The following MTUS1 variants were observed in gnomAD, a reference collection of about 807,000 sequenced individuals.
MTUS1 encodes the protein microtubule associated scaffold protein 1, also known as microtubule-associated tumor suppressor 1.
Under a neutral mutation model 120.8 loss-of-function variants are expected in MTUS1, and 109 were observed. The ratio of observed to expected loss-of-function variants is 0.90; its 90% CI spans 0.77 to 1.06. MTUS1 has a LOEUF of 1.06. Among genes scored for constraint, MTUS1 ranks in the 50% least tolerant of loss-of-function variants. The probability of loss-of-function intolerance (pLI) is 0.00; values close to 1 mark genes in which losing one functional copy is unlikely to be tolerated. For synonymous variants in MTUS1, 737 were observed against 550.5 expected, an observed-to-expected ratio of 1.34 and a Z score of -4.74; for missense variants, 2,210 against 1,486.3, an observed-to-expected ratio of 1.49 and a Z score of -8.01.
At chr8:17,798,332 T>A (rs1204079394) in intron 1 of MTUS1, among the ~76,000 whole-genome samples, 1 of 151,760 alleles carries the variant, frequency 6.6e-6, no homozygotes, top group Non-Finnish European at 1.5e-5. Flanking sequence ...ATTTAGAATT[T>A]GGGGAATTTT....
At chr8:17,646,198 ATTTTTCTTAGC>A in intron 14 of MTUS1, 59 bp from the exon 15 acceptor site, 2 of 1,471,836 alleles carry the variant, frequency 1.4e-6, no homozygotes, top group Non-Finnish European at 1.8e-6. Flanking sequence ...AACTTGAAAA[ATTTTTCTTAGC>A]GTTTGAAACT....
Position 17,756,015 on chromosome 8 carries a change from A to C in MTUS1, c.-154-54T>G, listed in dbSNP as rs2048581519. 11 of 1,186,432 alleles carry C rather than the reference A, an allele frequency of 9.3e-6. No homozygotes were observed. In the South Asian group the frequency reaches 2.0e-4, roughly 22 times the overall value. The allele number at this position is 1,186,432 out of a possible 1,614,324, so 73.5% of individuals were successfully genotyped here. On this transcript the variant is annotated intron_variant, in intron 1 of 14. Coordinates refer to ENST00000693296, the MANE Select transcript of MTUS1 (RefSeq NM_001363059.2). ...TAACTATAAGAAAAATTAACAGGCC[A>C]CCCCTTGGTTTCAATCACTAAGTGA... is the stretch of plus-strand genomic sequence containing the variant.
chr8:17,755,099 C>A lies in MTUS1; in HGVS notation c.709G>T (p.Glu237Ter), dbSNP rs1270600296. ...GCTGTGTAAGTCATGTCTTGGGCTTCTGATGGTGTGACTTGAGGGTTTTCA... is the reference window on the plus strand; with the variant it reads ...GCTGTGTAAGTCATGTCTTGGGCTTATGATGGTGTGACTTGAGGGTTTTCA... ...SFENPQVTPS[E>*]AQDMTYTAFS... The change falls in exon 2 of 15, where the codon GAA becomes TAA. Residue 237 changes from glutamate to a stop codon, truncating the protein, a stop_gained. Coordinates refer to ENST00000693296, the MANE Select transcript of MTUS1 (RefSeq NM_001363059.2). LOFTEE classifies it high-confidence loss of function. 1 of 1,613,930 alleles carries A rather than the reference C, an allele frequency of 6.2e-7. No individual in the cohort carries two copies. Among genetic ancestry groups the A allele is most frequent in the Admixed American group, 1.7e-5 (1 of 60,020 alleles).
At position 17,684,356 on chromosome 8, in the gene MTUS1, G is replaced by A. The variant is rs758018626; in HGVS notation, c.2810C>T (p.Thr937Ile). ...ACGNTKFEAL[T>I]VVIQHLLSER... ...AGACAGCAGGTGCTGAATCACAACT[G>A]TCAATGCCTCAAACTTGGTATTACC... Residue 937 changes from threonine (T) to isoleucine (I), a missense_variant, in exon 7 of 15, where the codon ACA becomes ATA. Transcript: ENST00000693296. 3.1e-6 allele frequency: 5 copies of A among 1,614,118 alleles called. No individual in the cohort carries two copies. The East Asian group carries it at 1.1e-4, about 36-fold the overall frequency.
chr8:17,723,957 A>C, intron 3 of MTUS1, 124 bp from the exon 4 acceptor site: 1 of 743,036 alleles, frequency 1.3e-6, no homozygotes, highest in Non-Finnish European at 2.2e-6. Flanking sequence ...GAATGTTCAC[A>C]ATCATGTAAC....
chr8:17,693,877 C>A (rs1216035204), intron 6 of MTUS1, among the ~76,000 whole-genome samples: 1 of 152,128 alleles, frequency 6.6e-6, no homozygotes, highest in Admixed American at 6.5e-5. Flanking sequence ...ACTCATCTAA[C>A]GGGTACTTCT....
chr8:17,793,085 A>G (rs771665110), intron 1 of MTUS1, among the ~76,000 whole-genome samples: 55 of 146,494 alleles, frequency 3.8e-4, no homozygotes, highest in Non-Finnish European at 3.6e-4. Flanking sequence ...ATTTTTCTCT[A>G]AACAGAAAAC....
chr8:17,689,138 G>C (rs758370487), intron 6 of MTUS1, among the ~76,000 whole-genome samples: 1 of 152,090 alleles, frequency 6.6e-6, no homozygotes, highest in Non-Finnish European at 1.5e-5. Flanking sequence ...TTGAATCCGG[G>C]AGGTGGAAGT....
intron 1 of MTUS1, among the ~76,000 whole-genome samples, chr8:17,771,872 A>G (rs894227953): frequency 2.0e-5 from 3 of 152,226 alleles, no homozygotes; most frequent in Admixed American, 1.3e-4. Context: ...TGAGATCTAG[A>G]GAAAAGAAGT....
rs1234875470 is a variant in MTUS1, at chr8:17,653,228, T to C, written c.3342A>G (p.Lys1114=). 6.4e-7 allele frequency: 1 copy of C among 1,557,470 alleles called. No homozygotes were observed. Among genetic ancestry groups the C allele is most frequent in the South Asian group, 1.2e-5 (1 of 82,106 alleles). ...TTGCTCTTCTTTTTTGTTCTTCTGA[T>C]TTCAATTTTTCATTTAAAGCATCAT... The part of the protein sequence containing the change: ...SENDALNEKL[K]SEEQKRRARE... The change falls in exon 12 of 15, where the codon AAA becomes AAG. Residue 1114 remains lysine (K), a synonymous_variant. Transcript: ENST00000693296.
At chr8:17,654,928 G>T in intron 9 of MTUS1, 1 of 481,772 alleles carries the variant, frequency 2.1e-6, no homozygotes, top group South Asian at 3.2e-5. Context: ...GTCCCCACAT[G>T]TGCACACACA....
At chr8:17,675,555 C>T (rs1003064203) in intron 7 of MTUS1, among the ~76,000 whole-genome samples, 1 of 152,324 alleles carries the variant, frequency 6.6e-6, no homozygotes, top group East Asian at 1.9e-4. Flanking sequence ...AACCTTTCGG[C>T]TAATGCATAC....
intron 1 of MTUS1, among the ~76,000 whole-genome samples, chr8:17,769,025 A>G (rs2049797704): frequency 6.6e-6 from 1 of 152,118 alleles, no homozygotes; most frequent in Admixed American, 6.6e-5. Context: ...TTTGTCTTAG[A>G]TAACTCACAC....
chr8:17,669,928 G>A (rs974935382), intron 8 of MTUS1, among the ~76,000 whole-genome samples: 1 of 152,214 alleles, frequency 6.6e-6, no homozygotes, highest in Admixed American at 6.5e-5. Flanking sequence ...AGTGGAGTTG[G>A]GGGCGCAGGC....
chr8:17,676,064 G>C, intron 7 of MTUS1: 3 of 569,288 alleles, frequency 5.3e-6, no homozygotes, highest in Non-Finnish European at 9.4e-6. Context: ...AAAAAATGAA[G>C]AATTTCAAAG....
Position 17,654,686 on chromosome 8 carries a change from C to G in MTUS1, c.3109-20G>C, listed in dbSNP as rs776000580. ...GTCAAACTGTAAGCAACAAACAAAA[C>G]CGTGGTTTAACAGTAAAACCAAATG... On this transcript the variant is annotated intron_variant, in intron 9 of 14. Transcript: ENST00000693296. 2 of 1,586,948 alleles carry G rather than the reference C, an allele frequency of 1.3e-6. No homozygotes were observed. The highest frequency in any genetic ancestry group is 1.1e-5 in the South Asian group (1 of 90,522).
At chr8:17,679,356 CGT>C (rs10596467) in intron 7 of MTUS1, among the ~76,000 whole-genome samples, 20,827 of 112,442 alleles carry the variant, frequency 0.19, 1,540 homozygotes, top group Middle Eastern at 0.25. Flanking sequence ...TGTGCGCGCG[CGT>C]GTGTGTGTGT....
At chr8:17,690,688 A>C (rs1816773402) in intron 6 of MTUS1, among the ~76,000 whole-genome samples, 1 of 152,206 alleles carries the variant, frequency 6.6e-6, no homozygotes, top group African/African-American at 2.4e-5. Context: ...GTCGACAAGC[A>C]ATTTGGAAGA....
intron 7 of MTUS1, among the ~76,000 whole-genome samples, chr8:17,682,262 T>C (rs975760713): frequency 6.6e-6 from 1 of 152,166 alleles, no homozygotes; most frequent in Non-Finnish European, 1.5e-5. Flanking sequence ...ACGCCTGTAA[T>C]TGCAGCACTT....
Sources: allele counts gnomAD v4.1 joint callset (sites outside exome capture counted in the v4.1 genomes callset), GRCh38; gene constraint gnomAD v4.1.1; transcripts MANE v1.5; gene names NCBI Gene and HGNC (gene_info 2026-07-23, HGNC 2026-07-21).